Variants in SMAD3 observed in about 807,000 individuals in gnomAD.
SMAD3 encodes MAD homolog 3.
Under a neutral mutation model 51.8 loss-of-function variants are expected in SMAD3, and 12 were observed. That is an observed-to-expected ratio of 0.23 (90% CI 0.15 to 0.38). The LOEUF (loss-of-function observed/expected upper bound fraction) is 0.38. Among genes scored for constraint, SMAD3 ranks in the 10% least tolerant of loss-of-function variants. SMAD3 has a pLI of 1.00. For missense variants in SMAD3, 294 were observed against 565.6 expected (o/e 0.52, Z 4.87); for synonymous variants, 238 against 227.7 (o/e 1.05, Z -0.41).
chr15:67,075,510 T>C (rs1960148379), intron 1 of SMAD3, among the ~76,000 whole-genome samples: 1 of 152,214 alleles, frequency 6.6e-6, no homozygotes, highest in Non-Finnish European at 1.5e-5. Flanking sequence ...GGGTTTGGGT[T>C]TGAGTCTGAC....
At chr15:67,110,872 G>T (rs995827587) in intron 1 of SMAD3, among the ~76,000 whole-genome samples, 4 of 152,192 alleles carry the variant, frequency 2.6e-5, no homozygotes, top group African/African-American at 9.7e-5. Flanking sequence ...CCAGATGTCC[G>T]TAATGTTAAC....
At chr15:67,102,052 A>G (rs1960769678) in intron 1 of SMAD3, among the ~76,000 whole-genome samples, 1 of 152,194 alleles carries the variant, frequency 6.6e-6, no homozygotes, top group African/African-American at 2.4e-5. Flanking sequence ...AAATCGGATT[A>G]TGAGGCACCT....
intron 1 of SMAD3, among the ~76,000 whole-genome samples, chr15:67,102,353 CA>C (rs1566968891): frequency 3.3e-5 from 5 of 151,934 alleles, no homozygotes; most frequent in Admixed American, 6.6e-5. Context: ...CAGATTTAAC[CA>C]CTGTTTTTTC....
At chr15:67,066,845 A>T (rs1380227551) in intron 1 of SMAD3, among the ~76,000 whole-genome samples, 1 of 152,206 alleles carries the variant, frequency 6.6e-6, no homozygotes, top group Non-Finnish European at 1.5e-5. Context: ...TGCGGTCCGT[A>T]CAGCTGGGGC....
chr15:67,139,682 T>G (rs577566598), intron 1 of SMAD3, among the ~76,000 whole-genome samples: 12 of 152,226 alleles, frequency 7.9e-5, no homozygotes. Context: ...TCCAGCTATG[T>G]TAAAAGGCCC....
At chr15:67,157,238 C>G (rs181588023) in intron 1 of SMAD3, among the ~76,000 whole-genome samples, 15 of 152,376 alleles carry the variant, frequency 9.8e-5, no homozygotes, top group Non-Finnish European at 1.8e-4. Flanking sequence ...AACAAATTTA[C>G]TCTTTGTTCA....
intron 1 of SMAD3, among the ~76,000 whole-genome samples, chr15:67,102,776 TG>T (rs558925339): frequency 5.1e-4 from 78 of 152,246 alleles, no homozygotes; most frequent in Non-Finnish European, 4.1e-4. Context: ...TCCCTTAGCT[TG>T]GTATTTAAAG....
intron 5 of SMAD3, among the ~76,000 whole-genome samples, chr15:67,179,163 T>C (rs886351416): frequency 1.3e-5 from 2 of 152,208 alleles, no homozygotes; most frequent in Non-Finnish European, 2.9e-5. Context: ...ATGTCTAGTC[T>C]GTGCCTGAGC....
At chr15:67,179,806 G>T (rs376856067) in intron 5 of SMAD3, among the ~76,000 whole-genome samples, 1 of 152,052 alleles carries the variant, frequency 6.6e-6, no homozygotes, top group South Asian at 2.1e-4. Flanking sequence ...CTCAGGCCAG[G>T]GCTGAGACGT....
At chr15:67,130,912 G>A (rs1373444818) in intron 1 of SMAD3, among the ~76,000 whole-genome samples, 2 of 152,160 alleles carry the variant, frequency 1.3e-5, no homozygotes, top group East Asian at 3.9e-4. Flanking sequence ...GGGTGAGGAG[G>A]TGGTGGTGGG....
chr15:67,184,298 A>G (rs1328759012), intron 6 of SMAD3, among the ~76,000 whole-genome samples: 1 of 152,036 alleles, frequency 6.6e-6, no homozygotes, highest in African/African-American at 2.4e-5. Flanking sequence ...GTAGAGATGA[A>G]GTCTCATTAC....
chr15:67,169,520 G>A (rs1311177416), intron 4 of SMAD3, among the ~76,000 whole-genome samples: 1 of 152,044 alleles, frequency 6.6e-6, no homozygotes, highest in African/African-American at 2.4e-5. Context: ...CAGTCTCACT[G>A]CTGCCCAGGC....
At chr15:67,188,616 C>A (rs530750661) in intron 8 of SMAD3, among the ~76,000 whole-genome samples, 1 of 152,262 alleles carries the variant, frequency 6.6e-6, no homozygotes, top group East Asian at 1.9e-4. Flanking sequence ...CACACTCCCC[C>A]CTGCCAGCCG....
chr15:67,080,778 C>T (rs1044136223), intron 1 of SMAD3, among the ~76,000 whole-genome samples: 1 of 152,142 alleles, frequency 6.6e-6, no homozygotes, highest in Non-Finnish European at 1.5e-5. Flanking sequence ...AGCACGTGGC[C>T]CCGAATAACC....
chr15:67,181,035 C>G (rs1963038634), intron 5 of SMAD3, among the ~76,000 whole-genome samples: 1 of 152,190 alleles, frequency 6.6e-6, no homozygotes, highest in African/African-American at 2.4e-5. Flanking sequence ...CCTTTACACA[C>G]AAGGCTGATG....
intron 1 of SMAD3, among the ~76,000 whole-genome samples, chr15:67,101,390 T>C (rs1960753851): frequency 6.6e-6 from 1 of 152,168 alleles, no homozygotes. Flanking sequence ...TGGGAGTCAA[T>C]GAGCTGTTTA....
chr15:67,191,824 A>G lies in SMAD3; in HGVS notation c.*1288A>G, dbSNP rs1963374640. 1 of 230,288 alleles carries G rather than the reference A, an allele frequency of 4.3e-6. No individual in the cohort carries two copies. The highest frequency in any genetic ancestry group is 8.6e-6 in the Non-Finnish European group (1 of 116,168). The allele number at this position is 230,288 out of a possible 1,614,324, so 14.3% of individuals were successfully genotyped here. ...TGTCATCTTCCCCCTGGGATATAAG[A>G]TGATCTAGCTCCCGGTAGAGGATCA... On this transcript the variant is annotated 3_prime_UTR_variant, in exon 9 of 9. Transcript: ENST00000327367.
At chr15:67,110,030 G>A (rs1010643758) in intron 1 of SMAD3, among the ~76,000 whole-genome samples, 3 of 152,226 alleles carry the variant, frequency 2.0e-5, no homozygotes, top group African/African-American at 4.8e-5. Context: ...TGACCAAGAA[G>A]AATGTTTGCC....
At chr15:67,104,517 C>T (rs1960834469) in intron 1 of SMAD3, among the ~76,000 whole-genome samples, 1 of 152,254 alleles carries the variant, frequency 6.6e-6, no homozygotes, top group Non-Finnish European at 1.5e-5. Context: ...ATTCCAGCCC[C>T]ATAGGGCCTT....
Sources: allele counts gnomAD v4.1 joint callset (sites outside exome capture counted in the v4.1 genomes callset), GRCh38; gene constraint gnomAD v4.1.1; transcripts MANE v1.5; gene names NCBI Gene and HGNC (gene_info 2026-07-23, HGNC 2026-07-21).